The following ZBTB7C variants were observed in gnomAD, a reference collection of about 807,000 sequenced individuals.
ZBTB7C encodes the protein zinc finger and BTB domain containing 7C.
ZBTB7C carries 8 observed loss-of-function variants against 25.7 expected under a neutral mutation model. The ratio of observed to expected loss-of-function variants is 0.31; its 90% CI spans 0.18 to 0.56. The LOEUF (loss-of-function observed/expected upper bound fraction) is 0.56. ZBTB7C is among the 20% of genes least tolerant of loss of function. The pLI is 0.91. For synonymous variants in ZBTB7C, 394 were observed against 369.0 expected (o/e 1.07, Z -0.78); for missense variants, 824 against 855.2 (o/e 0.96, Z 0.46).
At chr18:48,338,798 T>A (rs940752820) in intron 1 of ZBTB7C, among the ~76,000 whole-genome samples, 1 of 152,122 alleles carries the variant, frequency 6.6e-6, no homozygotes, top group African/African-American at 2.4e-5. Context: ...AGGAGATGCA[T>A]GTTCTCGCAT....
At chr18:48,069,732 T>TA (rs1462457617) in intron 3 of ZBTB7C, among the ~76,000 whole-genome samples, 1 of 151,910 alleles carries the variant, frequency 6.6e-6, no homozygotes, top group Non-Finnish European at 1.5e-5. Context: ...ACCACTGCAG[T>TA]ATAAGCCTCC....
At chr18:48,367,947 C>T (rs1194679800) in intron 1 of ZBTB7C, among the ~76,000 whole-genome samples, 1 of 150,528 alleles carries the variant, frequency 6.6e-6, no homozygotes, top group Non-Finnish European at 1.5e-5. Flanking sequence ...TAACATGGTG[C>T]CCCCAGCCCT....
chr18:48,305,521 G>A (rs747019426), intron 2 of ZBTB7C, among the ~76,000 whole-genome samples: 6 of 152,272 alleles, frequency 3.9e-5, no homozygotes, highest in Non-Finnish European at 5.9e-5. Context: ...CCAGCACCGC[G>A]TGAGACACGT....
At chr18:48,059,125 A>C (rs1040718118) in intron 3 of ZBTB7C, among the ~76,000 whole-genome samples, 4 of 152,200 alleles carry the variant, frequency 2.6e-5, no homozygotes, top group African/African-American at 9.7e-5. Context: ...GAAACAGCTA[A>C]CTAATGTACA....
chr18:48,335,944 G>C (rs558366573), intron 2 of ZBTB7C, among the ~76,000 whole-genome samples: 1 of 152,110 alleles, frequency 6.6e-6, no homozygotes, highest in Non-Finnish European at 1.5e-5. Context: ...TGCATCTGAA[G>C]CCCGCCCCAG....
At chr18:48,366,221 C>A (rs986344469) in intron 1 of ZBTB7C, among the ~76,000 whole-genome samples, 1 of 152,130 alleles carries the variant, frequency 6.6e-6, no homozygotes, top group African/African-American at 2.4e-5. Flanking sequence ...CATTTCAAAC[C>A]AGTGGGGGAA....
intron 3 of ZBTB7C, among the ~76,000 whole-genome samples, chr18:48,068,509 A>G (rs1435387166): frequency 6.6e-6 from 1 of 152,008 alleles, no homozygotes; most frequent in Non-Finnish European, 1.5e-5. Flanking sequence ...AAAACAACAA[A>G]AAAACAAAAC....
rs186714853 is a variant in ZBTB7C, at chr18:48,136,733, A to G, written c.-17+49201T>C. Reference sequence around the variant, plus strand: ...TGCAGAGTTCCAGATCCTCTCTCCTATTTCGGAAGAGGTGCGTGGCCCCAC... The same window carrying G: ...TGCAGAGTTCCAGATCCTCTCTCCTGTTTCGGAAGAGGTGCGTGGCCCCAC... On this transcript the variant is annotated intron_variant, in intron 3 of 4. Coordinates refer to ENST00000590800, the MANE Select transcript of ZBTB7C (RefSeq NM_001318841.2). Among the ~76,000 whole-genome samples, 560 of 151,964 alleles carry G rather than the reference A, an allele frequency of 3.7e-3. 4 individuals carry two copies. Among genetic ancestry groups the G allele is most frequent in the African/African-American group, 0.012 (498 of 41,458 alleles).
At chr18:48,063,726 T>TG (rs1327030550) in intron 3 of ZBTB7C, among the ~76,000 whole-genome samples, 2 of 152,162 alleles carry the variant, frequency 1.3e-5, no homozygotes, top group African/African-American at 2.4e-5. Flanking sequence ...GAGAGGTGTA[T>TG]GGGGCTATGG....
intron 3 of ZBTB7C, chr18:48,149,143 TGTGTGTGCACGCACGTGTGTGCGA>T (rs2040590287): frequency 6.6e-6 from 1 of 151,310 alleles, no homozygotes; most frequent in African/African-American, 2.4e-5. Flanking sequence ...TGTGCGCGCG[TGTGTGTGCACGCACGTGTGTGCGA>T]GTGTGTGCAT....
intron 2 of ZBTB7C, chr18:48,252,750 C>T (rs2144450253): frequency 6.6e-6 from 1 of 152,426 alleles, no homozygotes; most frequent in Admixed American, 6.5e-5. Flanking sequence ...TGCCATTCCC[C>T]TCCCACCAAG....
chr18:48,257,578 CA>C, intron 2 of ZBTB7C, among the ~76,000 whole-genome samples: 1 of 152,066 alleles, frequency 6.6e-6, no homozygotes, highest in Middle Eastern at 3.4e-3. Context: ...ACCCTGATAC[CA>C]AAACCAGACA....
Position 48,120,117 on chromosome 18 carries a change from T to C in ZBTB7C, c.-17+65817A>G, listed in dbSNP as rs187819878. Among the ~76,000 whole-genome samples, 584 of 152,274 alleles carry C rather than the reference T, an allele frequency of 3.8e-3. 4 individuals carry two copies. Among genetic ancestry groups the C allele is most frequent in the Middle Eastern group, 0.014 (4 of 294 alleles). On this transcript the variant is annotated intron_variant, in intron 3 of 4. Coordinates refer to ENST00000590800, the MANE Select transcript of ZBTB7C (RefSeq NM_001318841.2). ...GTACAGCCCTCTGACTAGCAAGACC[T>C]TGGGCCACAGTAAGGAATTTGAAAT... is the stretch of plus-strand genomic sequence containing the variant.
chr18:48,410,362 A>C (rs958668447), upstream of ZBTB7C, among the ~76,000 whole-genome samples: 1 of 151,502 alleles, frequency 6.6e-6, no homozygotes, highest in Non-Finnish European at 1.5e-5. Flanking sequence ...GCCGCCCGTC[A>C]CTCCCCGGGT....
intron 3 of ZBTB7C, chr18:48,076,978 C>T (rs1184882602): frequency 6.1e-6 from 6 of 983,850 alleles, no homozygotes; most frequent in Non-Finnish European, 7.2e-6. Context: ...TGTTTCTGAA[C>T]TTGGCCAAGA....
At chr18:48,188,429 A>G (rs1184798588) in intron 2 of ZBTB7C, among the ~76,000 whole-genome samples, 6 of 152,232 alleles carry the variant, frequency 3.9e-5, no homozygotes, top group Admixed American at 2.6e-4. Flanking sequence ...GTGAGAACTC[A>G]CTTGCTACCA....
chr18:48,212,337 A>G (rs1463605599), intron 2 of ZBTB7C, among the ~76,000 whole-genome samples: 1 of 152,144 alleles, frequency 6.6e-6, no homozygotes, highest in African/African-American at 2.4e-5. Context: ...GGGGGGAGGA[A>G]TGAATAGGTG....
At chr18:48,370,584 C>T (rs75268686) in intron 1 of ZBTB7C, among the ~76,000 whole-genome samples, 1,722 of 152,182 alleles carry the variant, frequency 0.011, 16 homozygotes, top group Non-Finnish European at 0.016. Context: ...GTTAAAAGTA[C>T]ACAGAATCCC....
At chr18:48,195,968 T>C (rs2000846) in intron 2 of ZBTB7C, among the ~76,000 whole-genome samples, 140,296 of 152,214 alleles carry the variant, frequency 0.92, 65,236 homozygotes, top group East Asian at 0.99. Context: ...GGTTTGGGAA[T>C]GAAGCCCAGC....
Sources: gnomAD v4.1 joint callset for allele counts (sites outside exome capture counted in the v4.1 genomes callset) on GRCh38, gnomAD v4.1.1 for gene constraint, MANE v1.5 for transcripts, NCBI Gene and HGNC (gene_info 2026-07-23, HGNC 2026-07-21) for gene names.